Variants in BAIAP2L1 observed in about 807,000 individuals in gnomAD.
BAIAP2L1 encodes the protein BAR/IMD domain-containing adapter protein 2-like 1.
A neutral mutation model predicts 66.3 loss-of-function variants in BAIAP2L1; 35 were observed. That is an observed-to-expected ratio of 0.53 (90% CI 0.40 to 0.70). The LOEUF is 0.70. Ranked by LOEUF, BAIAP2L1 falls within the 30% of genes least tolerant of loss-of-function variation. The pLI is 0.00. For missense variants in BAIAP2L1, 622 were observed against 656.9 expected (o/e 0.95, Z 0.58); for synonymous variants, 269 against 248.7 (o/e 1.08, Z -0.77).
intron 2 of BAIAP2L1, among the ~76,000 whole-genome samples, chr7:98,360,489 T>C (rs973460009): frequency 3.3e-5 from 5 of 152,160 alleles, no homozygotes; most frequent in African/African-American, 1.2e-4. Context: ...ATTCTGGAAA[T>C]ACCTTCTGAA....
intron 3 of BAIAP2L1, among the ~76,000 whole-genome samples, chr7:98,354,421 C>G (rs1471345275): frequency 3.9e-5 from 6 of 152,120 alleles, no homozygotes; most frequent in African/African-American, 1.4e-4. Flanking sequence ...TACAATAAAA[C>G]ATATTCAACA....
intron 3 of BAIAP2L1, among the ~76,000 whole-genome samples, chr7:98,352,763 T>A (rs1802027073): frequency 6.6e-6 from 1 of 152,196 alleles, no homozygotes; most frequent in Non-Finnish European, 1.5e-5. Context: ...TATACCAACA[T>A]CGTTGCTGTG....
intron 3 of BAIAP2L1, among the ~76,000 whole-genome samples, chr7:98,324,421 A>C (rs1353667239): frequency 1.3e-5 from 2 of 152,262 alleles, no homozygotes; most frequent in Non-Finnish European, 2.9e-5. Flanking sequence ...CTGATTTTAG[A>C]AACTGTGAAC....
chr7:98,343,507 C>T (rs1282713315), intron 3 of BAIAP2L1, among the ~76,000 whole-genome samples: 5 of 152,060 alleles, frequency 3.3e-5, no homozygotes, highest in Non-Finnish European at 7.4e-5. Context: ...ACTGGCCAAA[C>T]CCTGACTACT....
intron 1 of BAIAP2L1, among the ~76,000 whole-genome samples, chr7:98,382,617 G>A (rs1422818584): frequency 6.6e-6 from 1 of 152,096 alleles, no homozygotes; most frequent in Non-Finnish European, 1.5e-5. Flanking sequence ...GATTATACTG[G>A]GTTTAAGGTC....
chr7:98,307,470 G>C, intron 10 of BAIAP2L1: 1 of 1,409,882 alleles, frequency 7.1e-7, no homozygotes, highest in Non-Finnish European at 9.2e-7. Context: ...GACTTCATAC[G>C]CTCTAATAAC....
At chr7:98,320,430 G>A (rs2116904229) in intron 3 of BAIAP2L1, 132 bp from the exon 4 acceptor site, 1 of 651,684 alleles carries the variant, frequency 1.5e-6, no homozygotes, top group Admixed American at 3.1e-5. Context: ...CCGCCTCCCG[G>A]GTTCAAACTA....
At chr7:98,312,309 G>A in intron 7 of BAIAP2L1, 45 bp from the exon 8 acceptor site, 1 of 1,544,020 alleles carries the variant, frequency 6.5e-7, no homozygotes, top group Non-Finnish European at 8.7e-7. Flanking sequence ...AAGATTGTCT[G>A]AAGAGCTGAG....
chr7:98,306,776 T>C (rs1003925116), intron 10 of BAIAP2L1: 16 of 465,014 alleles, frequency 3.4e-5, no homozygotes, highest in Non-Finnish European at 5.4e-5. Context: ...GGTGCGATCA[T>C]AGCTCACAGC....
intron 3 of BAIAP2L1, 82 bp from the exon 4 acceptor site, chr7:98,320,380 G>A: frequency 9.1e-7 from 1 of 1,104,564 alleles, no homozygotes; most frequent in Admixed American, 2.3e-5. Context: ...CTGTCGCCCA[G>A]GCTGGAGTGC....
intron 3 of BAIAP2L1, among the ~76,000 whole-genome samples, chr7:98,331,545 C>T (rs1439830312): frequency 6.7e-6 from 1 of 149,292 alleles, no homozygotes; most frequent in African/African-American, 2.5e-5. Flanking sequence ...CTCGGCTCAC[C>T]GTGACCTCCG....
intron 3 of BAIAP2L1, among the ~76,000 whole-genome samples, chr7:98,322,179 GGAGA>G (rs886563586): frequency 6.6e-6 from 1 of 152,056 alleles, no homozygotes; most frequent in Non-Finnish European, 1.5e-5. Context: ...TAGAATATGG[GGAGA>G]GAGAGAAAGC....
chr7:98,343,136 G>C (rs974953246), intron 3 of BAIAP2L1, among the ~76,000 whole-genome samples: 16 of 151,760 alleles, frequency 1.1e-4, no homozygotes, highest in Non-Finnish European at 2.1e-4. Context: ...AGTAGCTCAC[G>C]CCTGTAATCC....
At chr7:98,311,572 G>A (rs971361622) in intron 8 of BAIAP2L1, among the ~76,000 whole-genome samples, 1 of 151,104 alleles carries the variant, frequency 6.6e-6, no homozygotes, top group Admixed American at 6.6e-5. Flanking sequence ...AAAACAGTAA[G>A]GATAAAATTT....
At chr7:98,353,194 T>C (rs1481839411) in intron 3 of BAIAP2L1, among the ~76,000 whole-genome samples, 1 of 151,158 alleles carries the variant, frequency 6.6e-6, no homozygotes, top group African/African-American at 2.4e-5. Context: ...TGTAACTGAG[T>C]CTATTAAATA....
intron 1 of BAIAP2L1, 128 bp from the exon 2 acceptor site, chr7:98,362,560 C>T: frequency 2.8e-6 from 2 of 706,350 alleles, no homozygotes; most frequent in East Asian, 2.8e-5. Context: ...GTAATGAATG[C>T]TGATGTAAAA....
chr7:98,308,572 C>G lies in BAIAP2L1; in HGVS notation c.956-676G>C, dbSNP rs918560060. ...GGAACCAGCTAGGGCAGGTTTGTCC[C>G]ATACTCTCTACCCATGAGCACGAGG... On this transcript the variant is annotated intron_variant, in intron 9 of 13. Coordinates refer to ENST00000005260, the MANE Select transcript of BAIAP2L1 (RefSeq NM_018842.5). The G allele has an allele frequency of 2.4e-5, 8 of 332,066 alleles. No homozygotes were observed. In the Admixed American group the frequency reaches 3.1e-4, roughly 13 times the overall value. The allele number at this position is 332,066 out of a possible 1,614,324, so 20.6% of individuals were successfully genotyped here.
In BAIAP2L1 at chr7:98,292,207, C is replaced by A; in HGVS notation, c.*1314G>T. 5.0e-6 allele frequency: 1 copy of A among 199,028 alleles called. No homozygotes were observed. Among genetic ancestry groups the A allele is most frequent in the Non-Finnish European group, 1.0e-5 (1 of 95,896 alleles). 12.3% of individuals were successfully genotyped at this position (199,028 alleles called of 1,614,324 possible). A position where few individuals can be genotyped will look rare whatever the true frequency, so the allele number is the denominator to read the frequency against. On this transcript the variant is annotated 3_prime_UTR_variant, in exon 14 of 14. Transcript: ENST00000005260. ...ATAGGATACTACACTTATGGCAAGG[C>A]TAAAGGAGAGGGGATAAGTCACAGC...
intron 1 of BAIAP2L1, among the ~76,000 whole-genome samples, chr7:98,394,069 C>T (rs1003428174): frequency 1.3e-5 from 2 of 151,948 alleles, no homozygotes; most frequent in African/African-American, 4.8e-5. Context: ...CGGTGAAAAC[C>T]CATCTCTACT....
Sources: allele counts gnomAD v4.1 joint callset (sites outside exome capture counted in the v4.1 genomes callset), GRCh38; gene constraint gnomAD v4.1.1; transcripts MANE v1.5; gene names NCBI Gene and HGNC (gene_info 2026-07-23, HGNC 2026-07-21).